AUTS2: variants seen among roughly 807,000 people sequenced by gnomAD.
AUTS2 encodes the protein autism susceptibility gene 2 protein.
In AUTS2, 17 loss-of-function variants were observed where a neutral mutation model predicts 112.4. That is an observed-to-expected ratio of 0.15 (90% CI 0.10 to 0.23). AUTS2 has a LOEUF of 0.23. AUTS2 is among the 10% of genes least tolerant of loss of function. The pLI is 1.00. For missense variants in AUTS2, 1,510 were observed against 1,701.6 expected, an observed-to-expected ratio of 0.89 and a Z score of 1.98; for synonymous variants, 751 against 702.7, an observed-to-expected ratio of 1.07 and a Z score of -1.09.
intron 4 of AUTS2, among the ~76,000 whole-genome samples, chr7:70,349,797 A>G (rs1381466796): frequency 6.6e-6 from 1 of 152,220 alleles, no homozygotes; most frequent in African/African-American, 2.4e-5. Flanking sequence ...TGAAAGAAAC[A>G]TAATAGCAAA....
chr7:70,658,376 G>A (rs886981445), intron 5 of AUTS2, among the ~76,000 whole-genome samples: 2 of 152,218 alleles, frequency 1.3e-5, no homozygotes, highest in African/African-American at 4.8e-5. Context: ...AGAGGAAGTA[G>A]GTGCCAGGTC....
At chr7:70,186,967 G>T (rs1424960942) in intron 4 of AUTS2, among the ~76,000 whole-genome samples, 1 of 152,216 alleles carries the variant, frequency 6.6e-6, no homozygotes, top group Non-Finnish European at 1.5e-5. Context: ...AGGCAGCAGA[G>T]GTTAAAGAAA....
At chr7:70,138,611 A>C (rs1054819113) in intron 4 of AUTS2, among the ~76,000 whole-genome samples, 4 of 152,156 alleles carry the variant, frequency 2.6e-5, no homozygotes, top group African/African-American at 9.7e-5. Flanking sequence ...CTCAACTAAT[A>C]ATTTTCATCT....
At chr7:69,946,190 GTGTT>G (rs1256327988) in intron 2 of AUTS2, among the ~76,000 whole-genome samples, 1 of 152,098 alleles carries the variant, frequency 6.6e-6, no homozygotes, top group Admixed American at 6.5e-5. Context: ...AGATCATACA[GTGTT>G]TGTATTTTTA....
At chr7:69,802,524 C>T (rs1463845383) in intron 1 of AUTS2, among the ~76,000 whole-genome samples, 5 of 152,158 alleles carry the variant, frequency 3.3e-5, no homozygotes, top group Non-Finnish European at 5.9e-5. Flanking sequence ...TAACTGTGAA[C>T]TCATTTCATT....
chr7:69,914,336 G>GACACAGACACACAC (rs1194204422), intron 2 of AUTS2, among the ~76,000 whole-genome samples: 4 of 100,270 alleles, frequency 4.0e-5, no homozygotes, highest in African/African-American at 1.6e-4. Flanking sequence ...CACACACACA[G>GACACAGACACACAC]ACACAGACAC....
At chr7:70,056,778 A>G (rs932507984) in intron 2 of AUTS2, among the ~76,000 whole-genome samples, 2 of 152,194 alleles carry the variant, frequency 1.3e-5, no homozygotes, top group African/African-American at 4.8e-5. Context: ...GCTTCCGAAG[A>G]TGGAATACCA....
intron 1 of AUTS2, among the ~76,000 whole-genome samples, chr7:69,787,728 C>T (rs1431297483): frequency 6.6e-6 from 1 of 152,022 alleles, no homozygotes; most frequent in Non-Finnish European, 1.5e-5. Context: ...ATTTTTGAAG[C>T]CTCTATTTTA....
In AUTS2 at chr7:70,752,242, C is replaced by G. The variant is rs115638169; in HGVS notation, c.743-10628C>G. 2.4e-3 allele frequency among the ~76,000 whole-genome samples: 363 copies of G among 152,152 alleles called. 5 individuals carry two copies. Among genetic ancestry groups the G allele is most frequent in the African/African-American group, 8.4e-3 (349 of 41,514 alleles). On this transcript the variant is annotated intron_variant, in intron 6 of 18. Coordinates refer to ENST00000342771, the MANE Select transcript of AUTS2 (RefSeq NM_015570.4). ...AGGAAGCAGCTAATAAATATTGAGG[C>G]TGGCAGGAGGATACAAGCAAACAAA...
At chr7:70,595,853 A>C (rs962046246) in intron 5 of AUTS2, among the ~76,000 whole-genome samples, 3 of 152,144 alleles carry the variant, frequency 2.0e-5, no homozygotes, top group African/African-American at 7.2e-5. Flanking sequence ...TGGTTCCGGC[A>C]CCGACACCGT....
chr7:70,488,198 A>G (rs1291286419), intron 5 of AUTS2, among the ~76,000 whole-genome samples: 3 of 152,238 alleles, frequency 2.0e-5, no homozygotes. Context: ...GAGTCGCTTC[A>G]TAAGCCCTCG....
chr7:70,725,421 A>G (rs907545165), intron 6 of AUTS2, among the ~76,000 whole-genome samples: 9 of 152,228 alleles, frequency 5.9e-5, no homozygotes, highest in African/African-American at 2.2e-4. Flanking sequence ...TAATAAGGGC[A>G]ACTGTTGAGG....
intron 4 of AUTS2, among the ~76,000 whole-genome samples, chr7:70,407,977 C>T (rs1490025532): frequency 6.6e-6 from 1 of 151,630 alleles, no homozygotes; most frequent in Non-Finnish European, 1.5e-5. Context: ...TGGCGTGAAC[C>T]CGGGCGGCAG....
At chr7:70,275,706 C>G (rs1001506423) in intron 4 of AUTS2, among the ~76,000 whole-genome samples, 1 of 152,148 alleles carries the variant, frequency 6.6e-6, no homozygotes, top group Admixed American at 6.6e-5. Context: ...TTCCCCCATT[C>G]TGTTCTTGTG....
chr7:69,864,147 C>A lies in AUTS2; in HGVS notation c.310-35139C>A, dbSNP rs186420672. Among the ~76,000 whole-genome samples the A allele has an allele frequency of 2.7e-3, 407 of 152,298 alleles. 4 individuals are homozygous for A. Among genetic ancestry groups the A allele is most frequent in the African/African-American group, 9.3e-3 (387 of 41,548 alleles). Reference sequence around the variant, plus strand: ...TAGAGCATGTCAAGCAGGTGCCATGCCTCCAATAACACATACTTTGTTCCA... The same window carrying A: ...TAGAGCATGTCAAGCAGGTGCCATGACTCCAATAACACATACTTTGTTCCA... On this transcript the variant is annotated intron_variant, in intron 1 of 18. Transcript: ENST00000342771.
chr7:70,432,977 G>A (rs1795738904), intron 4 of AUTS2, among the ~76,000 whole-genome samples: 1 of 152,214 alleles, frequency 6.6e-6, no homozygotes, highest in Admixed American at 6.5e-5. Context: ...GGCATGTTGT[G>A]TGGGGAGCCT....
intron 1 of AUTS2, among the ~76,000 whole-genome samples, chr7:69,677,178 A>G (rs1796602550): frequency 6.6e-6 from 1 of 152,200 alleles, no homozygotes. Context: ...AAATAAAGAC[A>G]GCCAAAAGCC....
chr7:70,644,541 C>A (rs1806046337), intron 5 of AUTS2, among the ~76,000 whole-genome samples: 1 of 152,202 alleles, frequency 6.6e-6, no homozygotes, highest in African/African-American at 2.4e-5. Context: ...CCAGACTGAC[C>A]TGACTTCTCC....
intron 2 of AUTS2, among the ~76,000 whole-genome samples, chr7:70,111,638 C>G (rs974029341): frequency 6.6e-6 from 1 of 152,046 alleles, no homozygotes; most frequent in Non-Finnish European, 1.5e-5. Context: ...TGCTGTGTTT[C>G]TTCAGATTTT....
Sources: allele counts gnomAD v4.1 joint callset (sites outside exome capture counted in the v4.1 genomes callset), GRCh38; gene constraint gnomAD v4.1.1; transcripts MANE v1.5; gene names NCBI Gene and HGNC (gene_info 2026-07-23, HGNC 2026-07-21).